The following PHF21B variants were observed in gnomAD, a reference collection of about 807,000 sequenced individuals.
PHF21B encodes the protein PHD finger protein 21B.
A neutral mutation model predicts 62.2 loss-of-function variants in PHF21B; 22 were observed. That is an observed-to-expected ratio of 0.35 (90% CI 0.25 to 0.51). The LOEUF (loss-of-function observed/expected upper bound fraction) is 0.51, where lower values mean the gene tolerates loss of function less well. Ranked by LOEUF, PHF21B falls within the 20% of genes least tolerant of loss-of-function variation. PHF21B has a pLI of 0.97. For missense variants in PHF21B, 701 were observed against 707.9 expected (o/e 0.99, Z 0.11); for synonymous variants, 341 against 314.7 (o/e 1.08, Z -0.88).
At chr22:44,974,622 G>A (rs1033202722) in intron 2 of PHF21B, among the ~76,000 whole-genome samples, 3 of 152,068 alleles carry the variant, frequency 2.0e-5, no homozygotes, top group Non-Finnish European at 2.9e-5. Context: ...CCGGGCCCTC[G>A]TCACCACCTG....
At position 45,009,430 on chromosome 22, in the gene PHF21B, G is replaced by T. The variant is rs998170299; in HGVS notation, c.54+66C>A. 4.9e-5 allele frequency: 71 copies of T among 1,442,566 alleles called. No individual in the cohort carries two copies. Among genetic ancestry groups the T allele is most frequent in the South Asian group, 4.5e-4 (35 of 77,160 alleles). 89.4% of individuals were successfully genotyped at this position (1,442,566 alleles called of 1,614,324 possible). On this transcript the variant is annotated intron_variant, in intron 1 of 12. Transcript: ENST00000313237. The surrounding 1 kb of genome is among the most constrained non-coding windows in gnomAD (Gnocchi z 5.9). Reference sequence around the variant, plus strand: ...ACCCGGAAGAGAGGATGCTGGGCTCGGGTCCCCCGACCCCCTCACCCCGCA... The same window carrying T: ...ACCCGGAAGAGAGGATGCTGGGCTCTGGTCCCCCGACCCCCTCACCCCGCA...
intron 2 of PHF21B, among the ~76,000 whole-genome samples, chr22:44,935,390 G>A (rs1233241789): frequency 1.3e-5 from 2 of 152,106 alleles, no homozygotes; most frequent in African/African-American, 2.4e-5. Flanking sequence ...TGAGACGGGC[G>A]GATCACGAGG....
intron 5 of PHF21B, among the ~76,000 whole-genome samples, chr22:44,897,379 T>C (rs2071079912): frequency 6.6e-6 from 1 of 152,144 alleles, no homozygotes; most frequent in African/African-American, 2.4e-5. Flanking sequence ...TTAGGTAACA[T>C]CACAGAGCGA....
intron 2 of PHF21B, among the ~76,000 whole-genome samples, chr22:44,922,069 T>G (rs2071548232): frequency 6.6e-6 from 1 of 152,202 alleles, no homozygotes; most frequent in South Asian, 2.1e-4. Flanking sequence ...CAGGGACCAG[T>G]GAGGTTCTCT....
chr22:44,920,092 C>T (rs2071507612), intron 3 of PHF21B, among the ~76,000 whole-genome samples: 1 of 152,234 alleles, frequency 6.6e-6, no homozygotes, highest in Non-Finnish European at 1.5e-5. Flanking sequence ...GGTCAAGAAA[C>T]AATGCATAGG....
chr22:44,928,619 G>A (rs528651498), intron 2 of PHF21B, among the ~76,000 whole-genome samples: 20 of 152,230 alleles, frequency 1.3e-4, no homozygotes, highest in Admixed American at 1.1e-3. Flanking sequence ...CATGTTGACT[G>A]GGCTGGTCTC....
chr22:44,884,041 GCACCACCAC>G (rs58584762), intron 12 of PHF21B, among the ~76,000 whole-genome samples: 34,599 of 65,196 alleles, frequency 0.53, 8,525 homozygotes, highest in East Asian at 0.57. Flanking sequence ...ACTGTGATCA[GCACCACCAC>G]CACCATCACC....
chr22:44,891,417 G>A (rs2070962813), intron 7 of PHF21B, 57 bp from the exon 8 acceptor site: 2 of 1,583,856 alleles, frequency 1.3e-6, no homozygotes, highest in African/African-American at 2.7e-5. Context: ...CTCTTCGATG[G>A]TGACGTCACC....
chr22:44,903,232 G>C (rs559949374), intron 5 of PHF21B, among the ~76,000 whole-genome samples: 8 of 152,254 alleles, frequency 5.3e-5, no homozygotes, highest in Non-Finnish European at 1.0e-4. Flanking sequence ...GACTAGCTCA[G>C]ATACTCCCTT....
chr22:44,937,693 C>CCGGTGAG (rs2071877003), intron 2 of PHF21B, among the ~76,000 whole-genome samples: 1 of 152,252 alleles, frequency 6.6e-6, no homozygotes, highest in African/African-American at 2.4e-5. Flanking sequence ...TGTCCATCAA[C>CCGGTGAG]TGGTGAGTGG....
intron 2 of PHF21B, among the ~76,000 whole-genome samples, chr22:44,947,059 G>A (rs1012129990): frequency 6.6e-5 from 10 of 152,218 alleles, no homozygotes; most frequent in African/African-American, 1.9e-4. Flanking sequence ...CCTGTTAAAC[G>A]TGAGAAAACC....
At chr22:44,938,522 T>A (rs551027904) in intron 2 of PHF21B, among the ~76,000 whole-genome samples, 1 of 152,228 alleles carries the variant, frequency 6.6e-6, no homozygotes, top group Non-Finnish European at 1.5e-5. Context: ...CGTGAGCCAC[T>A]GCGCCCAAAA....
intron 5 of PHF21B, among the ~76,000 whole-genome samples, chr22:44,903,270 G>A (rs1364614436): frequency 1.3e-5 from 2 of 151,842 alleles, no homozygotes; most frequent in African/African-American, 4.8e-5. Context: ...ATGGACTTCT[G>A]ATCTTCAGGG....
rs568540822 is a variant in PHF21B at position 44,936,219 on chromosome 22, C to T, written c.121-15729G>A. Among the ~76,000 whole-genome samples, 255 of 152,294 alleles carry T rather than the reference C, an allele frequency of 1.7e-3. 2 individuals carry two copies. Among genetic ancestry groups the T allele is most frequent in the African/African-American group, 5.7e-3 (236 of 41,574 alleles). On this transcript the variant is annotated intron_variant, in intron 2 of 12. Transcript: ENST00000313237. ...AGCTACGGAACGGGGCTGTGGGGTC[C>T]GCCTTGTCACCTGCATGAGCCCTGG...
intron 1 of PHF21B, 102 bp from the exon 2 acceptor site, chr22:45,008,712 G>A: frequency 1.7e-6 from 2 of 1,179,348 alleles, no homozygotes; most frequent in Non-Finnish European, 1.1e-6. Flanking sequence ...CCACGGGCGG[G>A]GCCGGCCGCA....
intron 2 of PHF21B, among the ~76,000 whole-genome samples, chr22:44,928,184 G>C (rs959690560): frequency 7.9e-5 from 12 of 152,232 alleles, no homozygotes; most frequent in African/African-American, 2.4e-4. Flanking sequence ...AGCTGTGCGG[G>C]ACCCCTCAGC....
intron 10 of PHF21B, among the ~76,000 whole-genome samples, chr22:44,886,772 C>G (rs1303083175): frequency 2.6e-5 from 4 of 152,142 alleles, no homozygotes; most frequent in African/African-American, 9.7e-5. Context: ...CCGACAGCAG[C>G]CCCTGCCCAC....
chr22:44,885,622 G>A, intron 11 of PHF21B, 93 bp from the exon 12 acceptor site: 1 of 1,262,866 alleles, frequency 7.9e-7, no homozygotes. Flanking sequence ...ATGAAACCAA[G>A]GCCTAGGACA....
At chr22:44,901,603 T>C (rs1013725272) in intron 5 of PHF21B, 4 of 336,672 alleles carry the variant, frequency 1.2e-5, no homozygotes, top group Middle Eastern at 8.8e-4. Flanking sequence ...TGGTGAGAAG[T>C]TGGATACTGA....
Sources: gnomAD v4.1 joint callset for allele counts (sites outside exome capture counted in the v4.1 genomes callset) on GRCh38, gnomAD v4.1.1 for gene constraint, Gnocchi (gnomAD v3.1) non-coding constraint, MANE v1.5 for transcripts, NCBI Gene and HGNC (gene_info 2026-07-23, HGNC 2026-07-21) for gene names.